LHFPL2: variants seen among roughly 807,000 people sequenced by gnomAD.
LHFPL2 encodes LHFPL tetraspan subfamily member 2.
LHFPL2 carries 7 observed loss-of-function variants against 17.5 expected under a neutral mutation model. The observed-to-expected ratio is 0.40, with a 90% CI of 0.23 to 0.75. The LOEUF is 0.75. Ranked by LOEUF, LHFPL2 falls within the 30% of genes least tolerant of loss-of-function variation. The pLI, the probability that LHFPL2 is intolerant of heterozygous loss-of-function variation, is 0.37. For missense variants in LHFPL2, 241 were observed against 294.8 expected (o/e 0.82, Z 1.34); for synonymous variants, 134 against 116.2 (o/e 1.15, Z -0.99).
chr5:78,593,782 G>GT (rs1743728803), intron 2 of LHFPL2, among the ~76,000 whole-genome samples: 1 of 152,106 alleles, frequency 6.6e-6, no homozygotes, highest in Non-Finnish European at 1.5e-5. Flanking sequence ...GAGCAAGGCT[G>GT]GACCAATTGT....
intron 3 of LHFPL2, among the ~76,000 whole-genome samples, chr5:78,527,936 A>G (rs373875219): frequency 1.3e-5 from 2 of 152,298 alleles, no homozygotes; most frequent in African/African-American, 4.8e-5. Context: ...TCCAATGGTC[A>G]TTGATCTCTA....
rs557273330 is a variant in LHFPL2 at position 78,609,414 on chromosome 5, G to A, written c.-245+22850C>T. Among the ~76,000 whole-genome samples the A allele has an allele frequency of 4.7e-4, 58 of 124,342 alleles. No individual in the cohort carries two copies. In the South Asian group the frequency reaches 0.011, roughly 23 times the overall value. 81.6% of individuals were successfully genotyped at this position (124,342 alleles called of 152,430 possible). A position where few individuals can be genotyped will look rare whatever the true frequency, so the allele number is the denominator to read the frequency against. On this transcript the variant is annotated intron_variant, in intron 2 of 4. Coordinates refer to ENST00000380345, the MANE Select transcript of LHFPL2 (RefSeq NM_005779.3). ...TAAGGTGAGCCGAGATCGAGCCACT[G>A]CACTTTAGCCTGGGAAACAGAGCGA...
intron 3 of LHFPL2, among the ~76,000 whole-genome samples, chr5:78,537,122 G>A (rs949328103): frequency 2.6e-5 from 4 of 151,950 alleles, no homozygotes; most frequent in African/African-American, 4.8e-5. Flanking sequence ...TTTAAGAAGC[G>A]CTGCTCTACG....
intron 2 of LHFPL2, among the ~76,000 whole-genome samples, chr5:78,578,242 T>C (rs1031895389): frequency 3.3e-5 from 5 of 152,210 alleles, no homozygotes; most frequent in Admixed American, 2.6e-4. Context: ...ACATTATCTT[T>C]TTGACAAAAA....
Position 78,487,214 on chromosome 5 carries a change from AT to A in LHFPL2, c.*1682del, listed in dbSNP as rs1414611481. ...AATCTGTGAGAAGATGGTTTCTCATATAGGCCAAACACCAGAATGTAGTAAA... is the reference window on the plus strand; with the variant it reads ...AATCTGTGAGAAGATGGTTTCTCATAAGGCCAAACACCAGAATGTAGTAAA... On this transcript the variant is annotated 3_prime_UTR_variant, in exon 5 of 5. Coordinates refer to ENST00000380345, the MANE Select transcript of LHFPL2 (RefSeq NM_005779.3). 6.6e-6 allele frequency: 1 copy of A among 152,212 alleles called. No individual in the cohort carries two copies. The highest frequency in any genetic ancestry group is 1.5e-5 in the Non-Finnish European group (1 of 68,046). 9.4% of individuals were successfully genotyped at this position (152,212 alleles called of 1,614,324 possible).
intron 1 of LHFPL2, among the ~76,000 whole-genome samples, chr5:78,645,313 G>A (rs1439142878): frequency 1.3e-5 from 2 of 151,210 alleles, no homozygotes; most frequent in African/African-American, 4.9e-5. Flanking sequence ...TACTTGCTGT[G>A]TTACCAGAGC....
chr5:78,561,347 G>A lies in LHFPL2; in HGVS notation c.-186+3466C>T, dbSNP rs147365888. Among the ~76,000 whole-genome samples, 94 of 152,360 alleles carry A rather than the reference G, an allele frequency of 6.2e-4. 2 individuals are homozygous for A. The East Asian group carries it at 0.015, about 24-fold the overall frequency. On this transcript the variant is annotated intron_variant, in intron 3 of 4. Transcript: ENST00000380345. ...CAAGTGCTCAGCAGCCACACGGGGA[G>A]ATGCTAACGGGGAGACTACCGTATC... is the stretch of plus-strand genomic sequence containing the variant.
rs1163195083 is a variant in LHFPL2, at chr5:78,584,995, GTTTTTTTTTTTTT to G, written c.-244-20137_-244-20125del. Among the ~76,000 whole-genome samples the G allele has an allele frequency of 3.5e-4, 14 of 40,530 alleles. 1 individual carries two copies. The highest frequency in any genetic ancestry group is 2.8e-3 in the East Asian group (5 of 1,792). 26.6% of individuals were successfully genotyped at this position (40,530 alleles called of 152,430 possible). On this transcript the variant is annotated intron_variant, in intron 2 of 4. Coordinates refer to ENST00000380345, the MANE Select transcript of LHFPL2 (RefSeq NM_005779.3). Reference sequence around the variant, plus strand: ...GGGATATAATCTCCTGGTGCGCTGTGTTTTTTTTTTTTTTTTTTTTTTTTTTTTTGAGACGGAG... The same window carrying G: ...GGGATATAATCTCCTGGTGCGCTGTGTTTTTTTTTTTTTTTTGAGACGGAG...
intron 2 of LHFPL2, among the ~76,000 whole-genome samples, chr5:78,572,296 A>C (rs1194809306): frequency 6.6e-6 from 1 of 152,158 alleles, no homozygotes; most frequent in Non-Finnish European, 1.5e-5. Flanking sequence ...GCTACTATAC[A>C]GTAAAAAGAA....
rs10045970 is a variant in LHFPL2, at chr5:78,525,955, C to G, written c.-185-15557G>C. 8.4e-3 allele frequency among the ~76,000 whole-genome samples: 1,283 copies of G among 152,304 alleles called. 6 individuals are homozygous for G. Among genetic ancestry groups the G allele is most frequent in the Non-Finnish European group, 0.012 (798 of 68,024 alleles). Reference sequence around the variant, plus strand: ...GAGCCTCCTCTCTGGTCAAGAGCTGCCTTCCAGCTTCTTCCTATCTGAGCC... The same window carrying G: ...GAGCCTCCTCTCTGGTCAAGAGCTGGCTTCCAGCTTCTTCCTATCTGAGCC... On this transcript the variant is annotated intron_variant, in intron 3 of 4. Transcript: ENST00000380345.
intron 2 of LHFPL2, among the ~76,000 whole-genome samples, chr5:78,614,571 A>G (rs1033692727): frequency 2.0e-5 from 3 of 152,214 alleles, no homozygotes; most frequent in Non-Finnish European, 2.9e-5. Flanking sequence ...TACCCATTTT[A>G]TTGTTAAGTC....
At chr5:78,639,332 AAAACAAAC>A (rs751237454) in intron 1 of LHFPL2, among the ~76,000 whole-genome samples, 17 of 152,300 alleles carry the variant, frequency 1.1e-4, no homozygotes, top group Middle Eastern at 3.4e-3. Context: ...CAAGCTGGGA[AAAACAAAC>A]AAACAAACAA....
chr5:78,564,731 C>G (rs1756815259), intron 3 of LHFPL2, 82 bp downstream of exon 3: 1 of 152,198 alleles, frequency 6.6e-6, no homozygotes, highest in African/African-American at 2.4e-5. Context: ...AACACTGCAT[C>G]TTTTTCAAGA....
chr5:78,520,332 C>T lies in LHFPL2; in HGVS notation c.-185-9934G>A, dbSNP rs116895817. The stretch of plus-strand genomic sequence containing the variant: ...AAACACGGGTCCCGACCCAGGCTCT[C>T]GGCTAATGGATGTGTGACCTCGCAC... On this transcript the variant is annotated intron_variant, in intron 3 of 4. Transcript: ENST00000380345. Among the ~76,000 whole-genome samples, 105 of 152,280 alleles carry T rather than the reference C, an allele frequency of 6.9e-4. No homozygotes were observed. The East Asian group carries it at 0.013, about 18-fold the overall frequency.
At chr5:78,624,278 A>C (rs1172528099) in intron 2 of LHFPL2, among the ~76,000 whole-genome samples, 1 of 152,162 alleles carries the variant, frequency 6.6e-6, no homozygotes, top group Non-Finnish European at 1.5e-5. Flanking sequence ...CATCCCCTGG[A>C]GAGAAATGAG....
At chr5:78,524,484 G>A (rs963073560) in intron 3 of LHFPL2, among the ~76,000 whole-genome samples, 1 of 152,200 alleles carries the variant, frequency 6.6e-6, no homozygotes, top group African/African-American at 2.4e-5. Flanking sequence ...GCTCATGCCT[G>A]TAAACCTAGC....
intron 2 of LHFPL2, among the ~76,000 whole-genome samples, chr5:78,626,952 G>A (rs1237831161): frequency 1.3e-5 from 2 of 151,892 alleles, no homozygotes; most frequent in African/African-American, 4.8e-5. Flanking sequence ...ATGGTGGTAC[G>A]CGCCTGTAAT....
intron 1 of LHFPL2, among the ~76,000 whole-genome samples, chr5:78,639,182 G>A (rs947730917): frequency 6.6e-6 from 1 of 152,106 alleles, no homozygotes; most frequent in Non-Finnish European, 1.5e-5. Flanking sequence ...CACCATTGGG[G>A]TTCTTATTAT....
intron 2 of LHFPL2, among the ~76,000 whole-genome samples, chr5:78,603,598 G>A (rs1744103938): frequency 6.6e-6 from 1 of 152,234 alleles, no homozygotes; most frequent in South Asian, 2.1e-4. Context: ...GATGTTTGCT[G>A]GCCGGGCATG....
Sources: gnomAD v4.1 joint callset for allele counts (sites outside exome capture counted in the v4.1 genomes callset) on GRCh38, gnomAD v4.1.1 for gene constraint, MANE v1.5 for transcripts, NCBI Gene and HGNC (gene_info 2026-07-23, HGNC 2026-07-21) for gene names.